LACTB2: variants seen among roughly 807,000 people sequenced by gnomAD.
The protein encoded by LACTB2 is lactamase beta 2.
In LACTB2, 32 loss-of-function variants were observed where a neutral mutation model predicts 34.8. That is an observed-to-expected ratio of 0.92 (90% CI 0.69 to 1.24). The LOEUF is 1.24. LACTB2 is among the 50% of genes most tolerant of loss of function. The probability of loss-of-function intolerance (pLI) is 0.00; values close to 1 mark genes in which losing one functional copy is unlikely to be tolerated. For missense variants in LACTB2, 320 were observed against 345.0 expected, an observed-to-expected ratio of 0.93 and a Z score of 0.57; for synonymous variants, 120 against 117.5, an observed-to-expected ratio of 1.02 and a Z score of -0.14.
At chr8:70,652,330 T>C (rs1013808792) in intron 3 of LACTB2, among the ~76,000 whole-genome samples, 1 of 152,220 alleles carries the variant, frequency 6.6e-6, no homozygotes, top group African/African-American at 2.4e-5. Context: ...AAATATTACA[T>C]GTTAATATTG....
intron 5 of LACTB2, 174 bp downstream of exon 5, chr8:70,640,727 TA>T: frequency 1.5e-6 from 1 of 671,128 alleles, no homozygotes; most frequent in Non-Finnish European, 2.2e-6. Flanking sequence ...CTTTGTTCTC[TA>T]AGGCCAGTTT....
chr8:70,644,029 A>G, intron 4 of LACTB2, 36 bp downstream of exon 4: 2 of 1,451,224 alleles, frequency 1.4e-6, no homozygotes, highest in Non-Finnish European at 1.8e-6. Flanking sequence ...TCTATTTAAA[A>G]ACATAAAAAT....
At chr8:70,649,157 G>A (rs760996633) in intron 3 of LACTB2, among the ~76,000 whole-genome samples, 3 of 152,222 alleles carry the variant, frequency 2.0e-5, no homozygotes, top group Non-Finnish European at 2.9e-5. Context: ...TACTGGAGAT[G>A]GGTTCCCCTA....
intron 2 of LACTB2, among the ~76,000 whole-genome samples, chr8:70,658,492 T>C (rs1197076273): frequency 6.6e-6 from 1 of 152,132 alleles, no homozygotes; most frequent in Non-Finnish European, 1.5e-5. Context: ...CACTGTGATA[T>C]CAAAGTTCTT....
chr8:70,661,569 T>C, intron 2 of LACTB2, 165 bp downstream of exon 2: 1 of 563,916 alleles, frequency 1.8e-6, no homozygotes, highest in Non-Finnish European at 3.0e-6. Flanking sequence ...TCCTCCTTTG[T>C]TAAAACTAGG....
At chr8:70,643,701 G>A (rs184669777) in intron 4 of LACTB2, among the ~76,000 whole-genome samples, 167 of 152,052 alleles carry the variant, frequency 1.1e-3, no homozygotes, top group African/African-American at 3.9e-3. Flanking sequence ...TTTTAGTAGA[G>A]ATGGGGTTTC....
At chr8:70,658,755 G>A (rs938358583) in intron 2 of LACTB2, among the ~76,000 whole-genome samples, 42 of 152,144 alleles carry the variant, frequency 2.8e-4, no homozygotes, top group African/African-American at 8.9e-4. Context: ...GTCCAGGCGT[G>A]GTGGCTCACA....
chr8:70,640,184 A>G (rs1818178652), intron 5 of LACTB2, among the ~76,000 whole-genome samples: 4 of 151,794 alleles, frequency 2.6e-5, no homozygotes, highest in Admixed American at 1.3e-4. Context: ...CTTGTCTCGG[A>G]CTCCTGGGCT....
intron 4 of LACTB2, among the ~76,000 whole-genome samples, chr8:70,643,500 AAAG>A (rs1426742990): frequency 6.9e-6 from 1 of 144,728 alleles, no homozygotes; most frequent in Non-Finnish European, 1.5e-5. Flanking sequence ...GGTATATTTT[AAAG>A]AAGTAGTTGA....
At chr8:70,657,976 T>C (rs1818433756) in intron 2 of LACTB2, 94 bp from the exon 3 acceptor site, 2 of 719,236 alleles carry the variant, frequency 2.8e-6, no homozygotes, top group South Asian at 2.3e-5. Context: ...TGTGAATGAC[T>C]GCATAAAATA....
chr8:70,638,288 C>T (rs974675192), intron 6 of LACTB2, among the ~76,000 whole-genome samples: 1 of 152,128 alleles, frequency 6.6e-6, no homozygotes, highest in Non-Finnish European at 1.5e-5. Flanking sequence ...AGTTATCTTC[C>T]TGCTACATGT....
At chr8:70,668,583 G>T (rs1818568782) in intron 1 of LACTB2, among the ~76,000 whole-genome samples, 1 of 152,034 alleles carries the variant, frequency 6.6e-6, no homozygotes, top group Admixed American at 6.6e-5. Flanking sequence ...ATAATTAATC[G>T]CTTTTGAGAA....
intron 3 of LACTB2, 68 bp from the exon 4 acceptor site, chr8:70,644,311 T>C (rs898944195): frequency 6.4e-6 from 7 of 1,085,870 alleles, no homozygotes; most frequent in Non-Finnish European, 7.7e-6. Flanking sequence ...TTTTGAGAAG[T>C]AAATTATTCT....
chr8:70,643,887 A>G (rs570085565), intron 4 of LACTB2, among the ~76,000 whole-genome samples, 178 bp downstream of exon 4: 44 of 152,132 alleles, frequency 2.9e-4, no homozygotes, highest in African/African-American at 9.2e-4. Context: ...TTTGACACAA[A>G]TGGTTTGCTA....
chr8:70,668,975 G>A lies in LACTB2; in HGVS notation c.122+24C>T, dbSNP rs577288748. 4.7e-5 allele frequency: 73 copies of A among 1,566,828 alleles called. No individual in the cohort carries two copies. In the African/African-American group the frequency reaches 7.0e-4, roughly 15 times the overall value. On this transcript the variant is annotated intron_variant, in intron 1 of 6. Transcript: ENST00000276590. The stretch of plus-strand genomic sequence containing the variant: ...GCTCCGGGGCCGGCTGCGAACGTTG[G>A]GGAGGTTGGAGAGGGACGTTTACCT...
At chr8:70,667,981 T>C (rs1190626549) in intron 1 of LACTB2, among the ~76,000 whole-genome samples, 1 of 152,234 alleles carries the variant, frequency 6.6e-6, no homozygotes, top group Admixed American at 6.5e-5. Context: ...TCCTGCTTAA[T>C]TCTCTATCCT....
intron 3 of LACTB2, among the ~76,000 whole-genome samples, chr8:70,650,972 G>A (rs1013620468): frequency 6.6e-6 from 1 of 151,814 alleles, no homozygotes; most frequent in Non-Finnish European, 1.5e-5. Context: ...AAGATATGGA[G>A]GAAACTAGTA....
chr8:70,637,828 C>G lies in LACTB2; in HGVS notation c.*32G>C. 6.9e-7 allele frequency: 1 copy of G among 1,447,476 alleles called. No individual in the cohort carries two copies. The highest frequency in any genetic ancestry group is 9.4e-7 in the Non-Finnish European group (1 of 1,060,788). 89.7% of individuals were successfully genotyped at this position (1,447,476 alleles called of 1,614,324 possible). A position where few individuals can be genotyped will look rare whatever the true frequency, so the allele number is the denominator to read the frequency against. On this transcript the variant is annotated 3_prime_UTR_variant, in exon 7 of 7. Coordinates refer to ENST00000276590, the MANE Select transcript of LACTB2 (RefSeq NM_016027.3). ...AAGAAAACATACCATTCTCTGAAAG[C>G]AAAATAAAACAAAGCTTTCTTTAAT... is the stretch of plus-strand genomic sequence containing the variant.
At chr8:70,656,363 G>A (rs967843060) in intron 3 of LACTB2, among the ~76,000 whole-genome samples, 1 of 152,140 alleles carries the variant, frequency 6.6e-6, no homozygotes, top group African/African-American at 2.4e-5. Context: ...TTTTGTATAA[G>A]GTGAGAGATG....
Sources: gnomAD v4.1 joint callset for allele counts (sites outside exome capture counted in the v4.1 genomes callset) on GRCh38, gnomAD v4.1.1 for gene constraint, MANE v1.5 for transcripts, NCBI Gene and HGNC (gene_info 2026-07-23, HGNC 2026-07-21) for gene names.